The following CAMTA1 variants were observed in gnomAD, a reference collection of about 807,000 sequenced individuals.
CAMTA1 encodes the protein calmodulin-binding transcription activator 1.
A neutral mutation model predicts 170.9 loss-of-function variants in CAMTA1; 27 were observed. That is an observed-to-expected ratio of 0.16 (90% confidence interval 0.12 to 0.22). CAMTA1 has a LOEUF of 0.22. CAMTA1 is among the 10% of genes least tolerant of loss of function. The pLI, the probability that CAMTA1 is intolerant of heterozygous loss-of-function variation, is 1.00. For synonymous variants in CAMTA1, 833 were observed against 891.5 expected, an observed-to-expected ratio of 0.93 and a Z score of 1.17; for missense variants, 1,619 against 2,217.2, an observed-to-expected ratio of 0.73 and a Z score of 5.42.
At chr1:7,522,582 C>T (rs1191311545) in intron 6 of CAMTA1, among the ~76,000 whole-genome samples, 2 of 152,156 alleles carry the variant, frequency 1.3e-5, no homozygotes, top group African/African-American at 4.8e-5. Context: ...AATACTTTCT[C>T]TTGTGTTTTT....
At chr1:7,558,743 C>T (rs962847656) in intron 6 of CAMTA1, among the ~76,000 whole-genome samples, 2 of 152,220 alleles carry the variant, frequency 1.3e-5, no homozygotes. Context: ...CAGCCCCAGG[C>T]CTCTATACAG....
At chr1:7,603,716 C>T (rs1432090882) in intron 6 of CAMTA1, among the ~76,000 whole-genome samples, 2 of 152,136 alleles carry the variant, frequency 1.3e-5, no homozygotes, top group African/African-American at 2.4e-5. Flanking sequence ...TGAATTTGAT[C>T]CTGTCATTAT....
At chr1:7,578,270 C>T (rs1390815821) in intron 6 of CAMTA1, among the ~76,000 whole-genome samples, 3 of 152,180 alleles carry the variant, frequency 2.0e-5, no homozygotes, top group Non-Finnish European at 4.4e-5. Context: ...GGACAGGGGC[C>T]GTGGCCTGCT....
chr1:7,655,011 CACACCCCTATATACACAA>C (rs2095876600), intron 7 of CAMTA1, among the ~76,000 whole-genome samples: 1 of 149,410 alleles, frequency 6.7e-6, no homozygotes. Flanking sequence ...CACCTATACA[CACACCCCTATATACACAA>C]ACACACCCAC....
At chr1:7,046,910 A>G (rs1705472869) in intron 3 of CAMTA1, among the ~76,000 whole-genome samples, 1 of 152,226 alleles carries the variant, frequency 6.6e-6, no homozygotes. Context: ...CGGAGTAGAC[A>G]TGGGAGATAG....
chr1:7,454,214 C>T (rs1163906831), intron 5 of CAMTA1, among the ~76,000 whole-genome samples: 1 of 152,204 alleles, frequency 6.6e-6, no homozygotes, highest in African/African-American at 2.4e-5. Context: ...ATGGCAGAGG[C>T]GACCTCGCCT....
At chr1:7,640,284 A>T in intron 6 of CAMTA1, 116 bp from the exon 7 acceptor site, 1 of 1,145,496 alleles carries the variant, frequency 8.7e-7, no homozygotes, top group Non-Finnish European at 1.3e-6. Context: ...TGTGAGGTCA[A>T]GAGAGCCGGG....
chr1:7,662,998 T>G (rs1420587023), intron 8 of CAMTA1, among the ~76,000 whole-genome samples: 1 of 151,802 alleles, frequency 6.6e-6, no homozygotes. Flanking sequence ...TCCAGATGAG[T>G]GGTATCTGTC....
At chr1:7,351,808 A>C (rs897661952) in intron 5 of CAMTA1, among the ~76,000 whole-genome samples, 1 of 152,200 alleles carries the variant, frequency 6.6e-6, no homozygotes, top group Non-Finnish European at 1.5e-5. Flanking sequence ...ATAAGATATG[A>C]TTACAGTATA....
At chr1:7,394,882 CTTTTTTTTTTG>C (rs2089139094) in intron 5 of CAMTA1, among the ~76,000 whole-genome samples, 1 of 136,764 alleles carries the variant, frequency 7.3e-6, no homozygotes, top group Non-Finnish European at 1.6e-5. Flanking sequence ...CTTTTTTTTT[CTTTTTTTTTTG>C]TTTTCTGAGA....
At chr1:7,160,442 G>A (rs1386957912) in intron 4 of CAMTA1, among the ~76,000 whole-genome samples, 3 of 151,794 alleles carry the variant, frequency 2.0e-5, no homozygotes, top group Admixed American at 6.6e-5. Flanking sequence ...TGACTATCTC[G>A]GCAGCATTGA....
At chr1:7,188,257 C>T (rs1377441378) in intron 4 of CAMTA1, among the ~76,000 whole-genome samples, 1 of 152,150 alleles carries the variant, frequency 6.6e-6, no homozygotes, top group East Asian at 1.9e-4. Flanking sequence ...GAAAGCCTAA[C>T]CATATCAGGG....
rs138336076 is a variant in CAMTA1 at position 6,822,958 on chromosome 1, G to A, written c.116-2134G>A. On this transcript the variant is annotated intron_variant, in intron 2 of 22. Transcript: ENST00000303635. ...CTGGGGTTTAAAACTCTGCTCGTAA[G>A]TGTTCAGAATTGTACTTCAAACTGA... Among the ~76,000 whole-genome samples the A allele has an allele frequency of 3.4e-3, 518 of 152,206 alleles. 6 individuals are homozygous for A. Among genetic ancestry groups the A allele is most frequent in the East Asian group, 0.01 (52 of 5,182 alleles).
intron 6 of CAMTA1, among the ~76,000 whole-genome samples, chr1:7,597,735 A>G (rs2095411066): frequency 6.6e-6 from 1 of 152,158 alleles, no homozygotes; most frequent in South Asian, 2.1e-4. Context: ...TCTTTTTTGC[A>G]TAAGACCTTC....
At chr1:7,257,442 T>A (rs540750173) in intron 5 of CAMTA1, among the ~76,000 whole-genome samples, 1 of 152,218 alleles carries the variant, frequency 6.6e-6, no homozygotes, top group African/African-American at 2.4e-5. Flanking sequence ...AGCTGTTGAG[T>A]CCTATACATT....
chr1:7,539,712 C>A (rs1347678067), intron 6 of CAMTA1, among the ~76,000 whole-genome samples: 1 of 152,228 alleles, frequency 6.6e-6, no homozygotes, highest in African/African-American at 2.4e-5. Context: ...GGAGTCTGCC[C>A]ACCTCCAAGA....
intron 4 of CAMTA1, among the ~76,000 whole-genome samples, chr1:7,188,989 A>G (rs904106179): frequency 9.9e-5 from 15 of 152,188 alleles, no homozygotes; most frequent in African/African-American, 3.6e-4. Flanking sequence ...GTTTTTTAAT[A>G]ATAGCCATGC....
intron 5 of CAMTA1, among the ~76,000 whole-genome samples, chr1:7,436,967 C>T (rs2092368611): frequency 6.6e-6 from 1 of 152,134 alleles, no homozygotes; most frequent in South Asian, 2.1e-4. Flanking sequence ...GGGGGAATGG[C>T]AGGGCACAGC....
intron 4 of CAMTA1, among the ~76,000 whole-genome samples, chr1:7,133,525 C>T (rs137885573): frequency 1.2e-3 from 177 of 152,224 alleles, no homozygotes; most frequent in African/African-American, 3.9e-3. Flanking sequence ...AGAGAGCCAC[C>T]GTTAATTCCA....
Sources: allele counts gnomAD v4.1 joint callset (sites outside exome capture counted in the v4.1 genomes callset), GRCh38; gene constraint gnomAD v4.1.1; transcripts MANE v1.5; gene names NCBI Gene and HGNC (gene_info 2026-07-23, HGNC 2026-07-21).